ZNF567: variants seen among roughly 807,000 people sequenced by gnomAD.
The protein encoded by ZNF567 is zinc finger protein 567.
ZNF567 carries 36 observed loss-of-function variants against 53.9 expected under a neutral mutation model. The ratio of observed to expected loss-of-function variants is 0.67; its 90% CI spans 0.51 to 0.88. The LOEUF is 0.88. Ranked by LOEUF, ZNF567 falls within the 40% of genes least tolerant of loss-of-function variation. The probability of loss-of-function intolerance (pLI) is 0.00; values close to 1 mark genes in which losing one functional copy is unlikely to be tolerated. For synonymous variants in ZNF567, 224 were observed against 260.4 expected, an observed-to-expected ratio of 0.86 and a Z score of 1.35; for missense variants, 619 against 764.7, an observed-to-expected ratio of 0.81 and a Z score of 2.25.
intron 3 of ZNF567, among the ~76,000 whole-genome samples, chr19:36,698,349 A>C (rs1437367365): frequency 6.6e-6 from 1 of 151,944 alleles, no homozygotes; most frequent in East Asian, 1.9e-4. Context: ...GTTGGTTCCA[A>C]GTCTTTGCTA....
At chr19:36,705,130 T>C (rs1453908488) in intron 3 of ZNF567, among the ~76,000 whole-genome samples, 1 of 152,180 alleles carries the variant, frequency 6.6e-6, no homozygotes, top group Non-Finnish European at 1.5e-5. Context: ...GTAGTTGATC[T>C]TTTCAAAGTA....
the ZNF567 span, among the ~76,000 whole-genome samples, chr19:36,671,057 G>C: frequency 6.6e-6 from 1 of 152,292 alleles, no homozygotes. Flanking sequence ...AGCTGAGATC[G>C]CACCACTGCA....
At chr19:36,713,930 A>C (rs1469443560) in intron 5 of ZNF567, among the ~76,000 whole-genome samples, 1 of 152,132 alleles carries the variant, frequency 6.6e-6, no homozygotes, top group Non-Finnish European at 1.5e-5. Context: ...GCAAGACTCC[A>C]TTTCAAAAAA....
intron 5 of ZNF567, among the ~76,000 whole-genome samples, chr19:36,716,636 T>C (rs1167045419): frequency 6.6e-6 from 1 of 152,166 alleles, no homozygotes; most frequent in African/African-American, 2.4e-5. Context: ...ATTTAACATG[T>C]TAGGTATTCA....
intron 3 of ZNF567, among the ~76,000 whole-genome samples, chr19:36,702,512 CAG>C (rs2064950971): frequency 1.3e-5 from 2 of 152,162 alleles, no homozygotes; most frequent in South Asian, 4.2e-4. Context: ...TAATATCCTG[CAG>C]AGTGTTTTCC....
intron 5 of ZNF567, among the ~76,000 whole-genome samples, chr19:36,715,513 ATT>A (rs1568711679): frequency 0.014 from 453 of 33,428 alleles, 1 homozygote; most frequent in Admixed American, 0.034. Flanking sequence ...AATAATAATT[ATT>A]ATTATTATTA....
chr19:36,697,289 G>A (rs2038934743), intron 3 of ZNF567, among the ~76,000 whole-genome samples: 1 of 151,782 alleles, frequency 6.6e-6, no homozygotes, highest in African/African-American at 2.4e-5. Flanking sequence ...ACTGTTTATT[G>A]CTAGTATGTG....
At position 36,719,000 on chromosome 19, in the gene ZNF567, G is replaced by T; in HGVS notation, c.276G>T (p.Glu92Asp). 6.3e-7 allele frequency: 1 copy of T among 1,587,750 alleles called. No individual in the cohort carries two copies. Among genetic ancestry groups the T allele is most frequent in the Non-Finnish European group, 8.5e-7 (1 of 1,173,090 alleles). ...TAGTGAAATTCAAGGAACACCAAGA[G>T]AAGTATTCTAGATCAGTTGTAAGCA... The part of the protein sequence containing the change: ...DFLVKFKEHQ[E>D]KYSRSVVSIN... The change falls in exon 6 of 6, where the codon GAG becomes GAT. Residue 92 changes from glutamate to aspartate, a missense_variant. By Grantham distance (45) the Glu-to-Asp change is conservative. Coordinates refer to ENST00000682579, the MANE Select transcript of ZNF567 (RefSeq NM_001322917.1).
At chr19:36,680,811 C>T in the ZNF567 span, among the ~76,000 whole-genome samples, 1,783 of 152,228 alleles carry the variant, frequency 0.012, 36 homozygotes, top group African/African-American at 0.04. Context: ...TTTCCACCTC[C>T]GGGGTCACAT....
At chr19:36,724,572 C>T (rs1015019025), downstream of ZNF567, among the ~76,000 whole-genome samples, 3 of 151,416 alleles carry the variant, frequency 2.0e-5, no homozygotes, top group African/African-American at 7.3e-5. Flanking sequence ...ATCCCAGCTA[C>T]TCTGGAGGCT....
chr19:36,682,701 A>T (rs3108206), upstream of ZNF567, among the ~76,000 whole-genome samples: 1 of 150,348 alleles, frequency 6.7e-6, no homozygotes, highest in Non-Finnish European at 1.5e-5. Flanking sequence ...TCCACCTCCC[A>T]GGTTCACGCC....
At chr19:36,711,902 A>T (rs1473156749) in intron 3 of ZNF567, 2 of 152,572 alleles carry the variant, frequency 1.3e-5, no homozygotes, top group Admixed American at 1.3e-4. Context: ...AAACTAACTG[A>T]TGGATATTTT....
intron 3 of ZNF567, among the ~76,000 whole-genome samples, chr19:36,697,565 T>C (rs1266933889): frequency 6.6e-6 from 1 of 152,074 alleles, no homozygotes; most frequent in Admixed American, 6.6e-5. Context: ...AAAGGCATTG[T>C]TTTTCATTAT....
Position 36,719,627 on chromosome 19 carries a change from A to C in ZNF567, c.903A>C (p.Arg301Ser). 1 of 1,613,894 alleles carries C rather than the reference A, an allele frequency of 6.2e-7. No homozygotes were observed. Among genetic ancestry groups the C allele is most frequent in the Non-Finnish European group, 8.5e-7 (1 of 1,179,934 alleles). The change falls in exon 6 of 6, where the codon AGA becomes AGC. Residue 301 changes from arginine (R) to serine (S), a missense_variant. Physicochemically the swap from Arg to Ser is moderately radical, Grantham distance 110. Coordinates refer to ENST00000682579, the MANE Select transcript of ZNF567 (RefSeq NM_001322917.1). ...RRKSYLIDHQ[R>S]THTGEKPFVC... ...AATCATATCTCATTGATCATCAGAG[A>C]ACTCACACAGGAGAGAAACCCTTTG...
Position 36,719,249 on chromosome 19 carries a change from G to A in ZNF567, c.525G>A (p.Glu175=). ...YGKSLLSTKQ[E]TTHPEVKSHN... is the part of the protein sequence containing the mutation. ...AATCACTCCTGAGTACTAAACAAGA[G>A]ACTACTCATCCTGAAGTCAAATCCC... Residue 175 remains glutamate (E), a synonymous_variant, in exon 6 of 6, where the codon GAG becomes GAA. Transcript: ENST00000682579. The A allele has an allele frequency of 6.2e-7, 1 of 1,613,946 alleles. No individual in the cohort carries two copies. The highest frequency in any genetic ancestry group is 8.5e-7 in the Non-Finnish European group (1 of 1,179,950).
chr19:36,688,123 T>A (rs990657491), intron 1 of ZNF567, among the ~76,000 whole-genome samples: 1 of 152,128 alleles, frequency 6.6e-6, no homozygotes, highest in Non-Finnish European at 1.5e-5. Flanking sequence ...TGTTTGAGCC[T>A]GTGTCCGACT....
At position 36,694,797 on chromosome 19, in the gene ZNF567, C is replaced by G. The variant is rs904670259; in HGVS notation, c.-66-5C>G. ...GCTTTTTTTGTCTCGGCTTTGCCTCCTTAGGAACTGCCTCTTTTCTAAAGA... is the reference window on the plus strand; with the variant it reads ...GCTTTTTTTGTCTCGGCTTTGCCTCGTTAGGAACTGCCTCTTTTCTAAAGA... On this transcript the variant is annotated splice_polypyrimidine_tract_variant and splice_region_variant and intron_variant, in intron 2 of 5. Transcript: ENST00000682579. The G allele has an allele frequency of 4.1e-6, 6 of 1,465,204 alleles. No homozygotes were observed. The African/African-American group carries it at 8.7e-5, about 21-fold the overall frequency. The allele number at this position is 1,465,204 out of a possible 1,614,324, so 90.8% of individuals were successfully genotyped here.
intron 3 of ZNF567, among the ~76,000 whole-genome samples, chr19:36,710,895 C>T (rs1427058948): frequency 6.6e-6 from 1 of 152,092 alleles, no homozygotes; most frequent in African/African-American, 2.4e-5. Flanking sequence ...TTTTATTTTT[C>T]AAGATTCTTT....
intron 3 of ZNF567, 28 bp from the exon 4 acceptor site, chr19:36,712,358 G>C: frequency 6.2e-7 from 1 of 1,607,404 alleles, no homozygotes. Flanking sequence ...AAGTCCACCT[G>C]TTCTGATTAC....
Sources: gnomAD v4.1 joint callset for allele counts (sites outside exome capture counted in the v4.1 genomes callset) on GRCh38, gnomAD v4.1.1 for gene constraint, MANE v1.5 for transcripts, NCBI Gene and HGNC (gene_info 2026-07-23, HGNC 2026-07-21) for gene names.